GLMN: variants seen among roughly 807,000 people sequenced by gnomAD.
GLMN encodes the protein glomulin, FKBP associated protein.
GLMN carries 75 observed loss-of-function variants against 87.8 expected under a neutral mutation model. That is an observed-to-expected ratio of 0.85 (90% CI 0.71 to 1.04). The LOEUF is 1.04. Among genes scored for constraint, GLMN ranks in the 50% least tolerant of loss-of-function variants. The pLI is 0.00. For synonymous variants in GLMN, 206 were observed against 221.6 expected (o/e 0.93, Z 0.63); for missense variants, 588 against 658.8 (o/e 0.89, Z 1.18).
the GLMN span, among the ~76,000 whole-genome samples, chr1:92,332,532 AG>A: frequency 6.6e-6 from 1 of 152,154 alleles, no homozygotes; most frequent in African/African-American, 2.4e-5. Context: ...CTGGAGACTC[AG>A]GATGATGTTA....
the GLMN span, among the ~76,000 whole-genome samples, chr1:92,312,445 CCT>C: frequency 1.3e-5 from 2 of 151,970 alleles, no homozygotes; most frequent in East Asian, 3.9e-4. Flanking sequence ...TGAAGTCAGT[CCT>C]CTCAAACTTC....
intron 7 of GLMN, among the ~76,000 whole-genome samples, chr1:92,277,670 T>A (rs2100965986): frequency 6.6e-6 from 1 of 152,290 alleles, no homozygotes; most frequent in South Asian, 2.1e-4. Context: ...CCAAAATGAT[T>A]GGATTCAGAA....
chr1:92,291,384 T>C (rs757581646), intron 4 of GLMN, 34 bp downstream of exon 4: 23 of 1,508,026 alleles, frequency 1.5e-5, no homozygotes, highest in South Asian at 2.3e-5. Flanking sequence ...CTGCTGTGTG[T>C]TATGATAAAG....
At chr1:92,307,367 T>C in the GLMN span, 5 of 841,690 alleles carry the variant, frequency 5.9e-6, no homozygotes, top group South Asian at 6.0e-5. Context: ...AGTCTAGTTT[T>C]CTGTAAAAAG....
At chr1:92,255,859 A>G (rs900999767) in intron 16 of GLMN, among the ~76,000 whole-genome samples, 1 of 152,136 alleles carries the variant, frequency 6.6e-6, no homozygotes, top group Non-Finnish European at 1.5e-5. Context: ...AGAAATAGAG[A>G]GGCAAAAGCA....
the GLMN span, among the ~76,000 whole-genome samples, chr1:92,325,950 CTA>C: frequency 6.6e-6 from 1 of 152,004 alleles, no homozygotes; most frequent in African/African-American, 2.4e-5. Context: ...GACATTTAGA[CTA>C]TTTCCAATTT....
the GLMN span, among the ~76,000 whole-genome samples, chr1:92,356,733 C>T: frequency 6.6e-6 from 1 of 151,566 alleles, no homozygotes; most frequent in Non-Finnish European, 1.5e-5. Flanking sequence ...CCACACCTGG[C>T]CCATTTTCCT....
Position 92,271,502 on chromosome 1 carries a change from G to T in GLMN, c.886C>A (p.Gln296Lys). ...GGAAGCTGATCAATATGGATGCCCTGTACAAATACTAGATATGCCAGAGAA... is the reference window on the plus strand; with the variant it reads ...GGAAGCTGATCAATATGGATGCCCTTTACAAATACTAGATATGCCAGAGAA... Reference protein sequence around the residue: ...MASLAYLVFVQGIHIDQLPMV... With the variant: ...MASLAYLVFVKGIHIDQLPMV... Residue 296 changes from glutamine to lysine, a missense_variant, in exon 8 of 19, where the codon CAG (glutamine) becomes AAG (lysine). Physicochemically the swap from Gln to Lys is moderately conservative, Grantham distance 53. Transcript: ENST00000370360. 6.2e-7 allele frequency: 1 copy of T among 1,613,114 alleles called. No individual in the cohort carries two copies. Among genetic ancestry groups the T allele is most frequent in the East Asian group, 2.2e-5 (1 of 44,864 alleles).
the GLMN span, among the ~76,000 whole-genome samples, chr1:92,368,394 T>G: frequency 6.6e-6 from 1 of 151,876 alleles, no homozygotes; most frequent in Non-Finnish European, 1.5e-5. Context: ...AAGAAAAAAA[T>G]CCAAGTTCGT....
At chr1:92,268,425 T>C (rs190387106) in intron 9 of GLMN, among the ~76,000 whole-genome samples, 246 of 152,334 alleles carry the variant, frequency 1.6e-3, no homozygotes, top group Non-Finnish European at 3.1e-3. Context: ...CTAAACCTGA[T>C]ATAACCAATG....
At chr1:92,306,650 C>G in the GLMN span, among the ~76,000 whole-genome samples, 5 of 151,928 alleles carry the variant, frequency 3.3e-5, no homozygotes, top group African/African-American at 1.2e-4. Context: ...TAGAGACCAG[C>G]CTGGGCAACA....
the GLMN span, among the ~76,000 whole-genome samples, chr1:92,308,907 C>T: frequency 1.3e-5 from 2 of 151,828 alleles, no homozygotes; most frequent in Non-Finnish European, 2.9e-5. Context: ...TTGCAGTGAG[C>T]CAAGATCGTG....
At chr1:92,286,909 T>C (rs191792380) in intron 6 of GLMN, among the ~76,000 whole-genome samples, 47 of 152,334 alleles carry the variant, frequency 3.1e-4, no homozygotes, top group African/African-American at 1.0e-3. Context: ...AGCGCCTTAA[T>C]TGCAGACTTC....
In GLMN at chr1:92,297,515, C is replaced by G. The variant is rs1650240728; in HGVS notation, c.54G>C (p.Glu18Asp). The stretch of plus-strand genomic sequence containing the variant: ...CAAAATCCTCTTCTTTAAAGTCTTG[C>G]TCTTCTAGGATTTGCTGGCAAAAAA... ...SIIKRCQILE[E>D]QDFKEEDFGL... The change falls in exon 3 of 19, where the codon GAG becomes GAC. Residue 18 changes from glutamate (E) to aspartate (D), a missense_variant. By Grantham distance (45) the Glu-to-Asp change is conservative. Transcript: ENST00000370360. The G allele has an allele frequency of 6.2e-7, 1 of 1,606,380 alleles. No individual in the cohort carries two copies. The highest frequency in any genetic ancestry group is 1.1e-5 in the South Asian group (1 of 90,236).
At chr1:92,262,096 G>T (rs191085885) in intron 16 of GLMN, among the ~76,000 whole-genome samples, 1 of 152,220 alleles carries the variant, frequency 6.6e-6, no homozygotes, top group Admixed American at 6.5e-5. Flanking sequence ...GAAGGAAAGA[G>T]ACTGCTACTT....
At chr1:92,246,707 C>T in intron 18 of GLMN, 61 bp from the exon 19 acceptor site, 1 of 897,112 alleles carries the variant, frequency 1.1e-6, no homozygotes, top group Non-Finnish European at 1.9e-6. Flanking sequence ...CAAAGCAAAA[C>T]ACAGAAAAGA....
the GLMN span, among the ~76,000 whole-genome samples, chr1:92,317,621 G>A: frequency 6.6e-6 from 1 of 152,262 alleles, no homozygotes; most frequent in East Asian, 1.9e-4. Context: ...GATGCATGGT[G>A]GCGATAGTTG....
chr1:92,352,626 AC>A, the GLMN span, among the ~76,000 whole-genome samples: 47 of 152,360 alleles, frequency 3.1e-4, no homozygotes, highest in South Asian at 2.9e-3. Context: ...CATTGAAATT[AC>A]TTTTTTATAT....
chr1:92,348,003 G>A, the GLMN span, among the ~76,000 whole-genome samples: 9 of 152,038 alleles, frequency 5.9e-5, no homozygotes, highest in South Asian at 6.2e-4. Flanking sequence ...TCTGCCTCCC[G>A]GGTTCAACCA....
Sources: allele counts gnomAD v4.1 joint callset (sites outside exome capture counted in the v4.1 genomes callset), GRCh38; gene constraint gnomAD v4.1.1; transcripts MANE v1.5; gene names NCBI Gene and HGNC (gene_info 2026-07-23, HGNC 2026-07-21).